The following EFL1 variants were observed in gnomAD, a reference collection of about 807,000 sequenced individuals.
EFL1 encodes elongation factor like GTPase 1.
EFL1 carries 76 observed loss-of-function variants against 126.7 expected under a neutral mutation model. The ratio of observed to expected loss-of-function variants is 0.60; its 90% CI spans 0.50 to 0.73. The LOEUF is 0.73. Ranked by LOEUF, EFL1 falls within the 30% of genes least tolerant of loss-of-function variation. The pLI, the probability that EFL1 is intolerant of heterozygous loss-of-function variation, is 0.00. For missense variants in EFL1, 1,128 were observed against 1,343.2 expected (o/e 0.84, Z 2.50); for synonymous variants, 410 against 448.4 (o/e 0.91, Z 1.08).
intron 3 of EFL1, among the ~76,000 whole-genome samples, chr15:82,256,994 C>T (rs550526236): frequency 2.6e-5 from 4 of 152,146 alleles, no homozygotes; most frequent in African/African-American, 9.6e-5. Flanking sequence ...AGAATACTGC[C>T]GATTGTTGGG....
chr15:82,149,211 T>C (rs550433907), intron 18 of EFL1, among the ~76,000 whole-genome samples: 12 of 152,098 alleles, frequency 7.9e-5, no homozygotes, highest in Non-Finnish European at 1.5e-4. Context: ...TTATGTTATA[T>C]AACTTAAGAA....
chr15:82,176,801 T>C (rs1377016652), intron 15 of EFL1, among the ~76,000 whole-genome samples: 1 of 152,148 alleles, frequency 6.6e-6, no homozygotes, highest in Non-Finnish European at 1.5e-5. Flanking sequence ...GCAGACACAT[T>C]AACCAAAAGA....
At chr15:82,237,033 C>T (rs1429653028) in intron 7 of EFL1, among the ~76,000 whole-genome samples, 1 of 152,182 alleles carries the variant, frequency 6.6e-6, no homozygotes, top group Non-Finnish European at 1.5e-5. Flanking sequence ...GTCCCAGCTA[C>T]TCAGGAGGCT....
At chr15:82,153,039 T>A (rs2073930417) in intron 17 of EFL1, among the ~76,000 whole-genome samples, 1 of 152,254 alleles carries the variant, frequency 6.6e-6, no homozygotes, top group Admixed American at 6.5e-5. Flanking sequence ...AATAAATTTT[T>A]AATTTTATTT....
At chr15:82,200,718 T>A (rs913785337) in intron 15 of EFL1, among the ~76,000 whole-genome samples, 5 of 152,210 alleles carry the variant, frequency 3.3e-5, no homozygotes, top group African/African-American at 1.2e-4. Flanking sequence ...GGGAGTTGAA[T>A]AATCCGAACA....
intron 15 of EFL1, among the ~76,000 whole-genome samples, chr15:82,179,147 C>G (rs547181030): frequency 6.6e-6 from 1 of 151,836 alleles, no homozygotes; most frequent in African/African-American, 2.4e-5. Context: ...CTCTCTCTAA[C>G]AAATTAAATA....
At chr15:82,236,345 G>A (rs906067215) in intron 7 of EFL1, among the ~76,000 whole-genome samples, 11 of 152,102 alleles carry the variant, frequency 7.2e-5, no homozygotes, top group African/African-American at 2.2e-4. Flanking sequence ...AAAGGCAAAG[G>A]CCTTGAACAG....
At chr15:82,136,040 CAGTCTT>C (rs1403177770) in intron 19 of EFL1, among the ~76,000 whole-genome samples, 6 of 151,990 alleles carry the variant, frequency 3.9e-5, no homozygotes, top group African/African-American at 1.4e-4. Flanking sequence ...TTTATTAGAG[CAGTCTT>C]ACCTGCTTCC....
Position 82,249,263 on chromosome 15 carries a change from T to C in EFL1, c.244+3428A>G, listed in dbSNP as rs575893797. Among the ~76,000 whole-genome samples the C allele has an allele frequency of 1.8e-4, 28 of 151,780 alleles. No homozygotes were observed. In the East Asian group the frequency reaches 5.4e-3, roughly 29 times the overall value. ...GACCAGTCTGGGCAACATAGCAACA[T>C]CCCATCGCTACAAAACATTTGAAAT... On this transcript the variant is annotated intron_variant, in intron 4 of 19. Transcript: ENST00000268206.
chr15:82,211,293 G>A (rs747201840), intron 15 of EFL1, among the ~76,000 whole-genome samples: 1 of 151,560 alleles, frequency 6.6e-6, no homozygotes, highest in Non-Finnish European at 1.5e-5. Flanking sequence ...TTGGGAGGCC[G>A]AGGCAGGCAG....
chr15:82,238,205 TATAGGTGAATCTATAATTATCTCAA>T, intron 7 of EFL1, 77 bp downstream of exon 7: 1 of 1,284,662 alleles, frequency 7.8e-7, no homozygotes, highest in Non-Finnish European at 1.1e-6. Context: ...CTCTTACAAC[TATAGGTGAATCTATAATTATCTCAA>T]AATAAAAGTT....
Position 82,152,419 on chromosome 15 carries a change from C to T in EFL1, c.2035G>A (p.Ala679Thr). Residue 679 changes from alanine to threonine, a missense_variant, in exon 18 of 20, where the codon GCA (alanine) becomes ACA (threonine). This residue lies in a region of EFL1 where 561 missense variants were observed against 641.7 expected (regional missense o/e 0.87). Transcript: ENST00000268206. ...RCLDDLKERF[A>T]KIHISVSEPI... is the part of the protein sequence containing the mutation. Reference sequence around the variant, plus strand: ...TCAGATACACTGATATGAATCTTTGCAAACCTACAGACAAATTCAAGAGAA... The same window carrying T: ...TCAGATACACTGATATGAATCTTTGTAAACCTACAGACAAATTCAAGAGAA... The T allele has an allele frequency of 6.2e-7, 1 of 1,600,740 alleles. No individual in the cohort carries two copies. Among genetic ancestry groups the T allele is most frequent in the Non-Finnish European group, 8.5e-7 (1 of 1,175,624 alleles).
chr15:82,164,234 T>C (rs1309056496), intron 15 of EFL1, among the ~76,000 whole-genome samples: 2 of 152,124 alleles, frequency 1.3e-5, no homozygotes, highest in Non-Finnish European at 2.9e-5. Context: ...ATTGGGCTAA[T>C]GCATAGCTAC....
At chr15:82,254,962 C>T (rs2075054801) in intron 3 of EFL1, among the ~76,000 whole-genome samples, 1 of 152,094 alleles carries the variant, frequency 6.6e-6, no homozygotes, top group Non-Finnish European at 1.5e-5. Flanking sequence ...TACTGATGGA[C>T]ATGGAGACTG....
Position 82,259,084 on chromosome 15 carries a change from A to G in EFL1, c.159+4T>C. 6.2e-7 allele frequency: 1 copy of G among 1,613,104 alleles called. No homozygotes were observed. Among genetic ancestry groups the G allele is most frequent in the Non-Finnish European group, 8.5e-7 (1 of 1,179,262 alleles). ...CAACAAGTATTTATAAAATAATAAC[A>G]TACCTTGCCTGCTAGGCGGCTGGAG... On this transcript the variant is annotated splice_donor_region_variant and intron_variant, in intron 3 of 19. Transcript: ENST00000268206.
intron 15 of EFL1, among the ~76,000 whole-genome samples, chr15:82,198,288 C>G (rs1464752239): frequency 2.0e-5 from 3 of 152,108 alleles, no homozygotes; most frequent in Non-Finnish European, 4.4e-5. Context: ...GAGGGGACTT[C>G]GGCCTGCTCA....
intron 15 of EFL1, among the ~76,000 whole-genome samples, chr15:82,206,842 C>T (rs1424227230): frequency 6.6e-6 from 1 of 152,074 alleles, no homozygotes. Context: ...TTTAAACAGA[C>T]TAGAGAACAA....
intron 5 of EFL1, among the ~76,000 whole-genome samples, chr15:82,240,998 C>T (rs2074925149): frequency 6.6e-6 from 1 of 152,150 alleles, no homozygotes; most frequent in Admixed American, 6.5e-5. Context: ...TGCAGTAAGC[C>T]AAGATCATGC....
At chr15:82,194,431 G>C (rs573310290) in intron 15 of EFL1, among the ~76,000 whole-genome samples, 1 of 152,112 alleles carries the variant, frequency 6.6e-6, no homozygotes, top group Non-Finnish European at 1.5e-5. Context: ...TTTCAGTACT[G>C]ACTTACATTT....
Sources: allele counts gnomAD v4.1 joint callset (sites outside exome capture counted in the v4.1 genomes callset), GRCh38; gene constraint gnomAD v4.1.1; regional missense constraint gnomAD v4.1.1; transcripts MANE v1.5; gene names NCBI Gene and HGNC (gene_info 2026-07-23, HGNC 2026-07-21).